Variants in STMN2 observed in about 807,000 individuals in gnomAD.
STMN2 encodes the protein stathmin 2.
A neutral mutation model predicts 24.1 loss-of-function variants in STMN2; 2 were observed. That is an observed-to-expected ratio of 0.08 (90% CI 0.03 to 0.26). STMN2 has a LOEUF of 0.26. Ranked by LOEUF, STMN2 falls within the 10% of genes least tolerant of loss-of-function variation. The pLI, the probability that STMN2 is intolerant of heterozygous loss-of-function variation, is 1.00. For synonymous variants in STMN2, 83 were observed against 77.5 expected (o/e 1.07, Z -0.37); for missense variants, 114 against 213.6 (o/e 0.53, Z 2.91).
intron 3 of STMN2, among the ~76,000 whole-genome samples, chr8:79,644,320 T>C (rs1810173451): frequency 6.6e-6 from 1 of 152,244 alleles, no homozygotes. Flanking sequence ...TCTTCCTGCA[T>C]TTAACTGGTT....
chr8:79,647,571 C>T (rs1810244735), intron 3 of STMN2, among the ~76,000 whole-genome samples: 1 of 152,218 alleles, frequency 6.6e-6, no homozygotes, highest in Non-Finnish European at 1.5e-5. Context: ...GCAATGTCCC[C>T]ACCTCCCCAT....
At chr8:79,624,790 C>T (rs1057155835) in intron 1 of STMN2, among the ~76,000 whole-genome samples, 33 of 152,316 alleles carry the variant, frequency 2.2e-4, no homozygotes, top group African/African-American at 7.9e-4. Flanking sequence ...AGCAGGCTTT[C>T]CAAGTCAACC....
chr8:79,630,166 T>C (rs1223151790), intron 1 of STMN2, among the ~76,000 whole-genome samples: 1 of 152,220 alleles, frequency 6.6e-6, no homozygotes, highest in Admixed American at 6.5e-5. Flanking sequence ...GCTCTAGGAC[T>C]CCCTTTGAGT....
intron 1 of STMN2, among the ~76,000 whole-genome samples, chr8:79,629,141 C>T (rs900070542): frequency 8.5e-5 from 13 of 152,212 alleles, no homozygotes; most frequent in Middle Eastern, 3.4e-3. Context: ...AACAATAGGA[C>T]GATGCTTCAC....
At chr8:79,653,791 G>C (rs997740042) in intron 3 of STMN2, among the ~76,000 whole-genome samples, 1 of 152,202 alleles carries the variant, frequency 6.6e-6, no homozygotes, top group Non-Finnish European at 1.5e-5. Flanking sequence ...CGGGGCATCA[G>C]CTGATCCTGA....
intron 1 of STMN2, among the ~76,000 whole-genome samples, chr8:79,627,192 A>G (rs2130322400): frequency 6.6e-6 from 1 of 152,328 alleles, no homozygotes; most frequent in East Asian, 1.9e-4. Flanking sequence ...TGAATAAACA[A>G]GAGAAAATAG....
Position 79,665,036 on chromosome 8 carries a change from G to A in STMN2, c.*162G>A, listed in dbSNP as rs188705664. Reference sequence around the variant, plus strand: ...ATCAAAAATTAAAAAAAATCAATGCGGTCTCTTTGCAGAATGTTTTGCTTG... The same window carrying A: ...ATCAAAAATTAAAAAAAATCAATGCAGTCTCTTTGCAGAATGTTTTGCTTG... On this transcript the variant is annotated 3_prime_UTR_variant, in exon 5 of 5. Coordinates refer to ENST00000220876, the MANE Select transcript of STMN2 (RefSeq NM_007029.4). 24 of 520,092 alleles carry A rather than the reference G, an allele frequency of 4.6e-5. No homozygotes were observed. The Admixed American group carries it at 5.5e-4, about 12-fold the overall frequency. The allele number at this position is 520,092 out of a possible 1,614,324, so 32.2% of individuals were successfully genotyped here. A position where few individuals can be genotyped will look rare whatever the true frequency, so the allele number is the denominator to read the frequency against.
At chr8:79,636,084 G>C in intron 1 of STMN2, among the ~76,000 whole-genome samples, 1 of 152,054 alleles carries the variant, frequency 6.6e-6, no homozygotes, top group Non-Finnish European at 1.5e-5. Flanking sequence ...AGGCATGGTG[G>C]AGCGCACCTG....
intron 1 of STMN2, among the ~76,000 whole-genome samples, chr8:79,622,936 T>TCAC (rs1374167007): frequency 2.0e-5 from 3 of 152,282 alleles, no homozygotes; most frequent in Non-Finnish European, 2.9e-5. Context: ...CCACTCCGTA[T>TCAC]CACCTGACTG....
At chr8:79,623,435 A>T (rs900764828) in intron 1 of STMN2, among the ~76,000 whole-genome samples, 1 of 152,210 alleles carries the variant, frequency 6.6e-6, no homozygotes, top group African/African-American at 2.4e-5. Context: ...CATTTTAAGC[A>T]TTTTGTTTTG....
At chr8:79,641,337 A>C in intron 2 of STMN2, 41 bp from the exon 3 acceptor site, 1 of 1,587,586 alleles carries the variant, frequency 6.3e-7, no homozygotes, top group Non-Finnish European at 8.6e-7. Flanking sequence ...CCCATGCTGC[A>C]AGCTTTGTAT....
chr8:79,620,509 A>G (rs1184614042), intron 1 of STMN2, among the ~76,000 whole-genome samples: 2 of 152,092 alleles, frequency 1.3e-5, no homozygotes, highest in East Asian at 3.8e-4. Context: ...AATGTTCCTC[A>G]CCCTTGGTGG....
chr8:79,632,180 G>GT (rs939987973), intron 1 of STMN2, among the ~76,000 whole-genome samples: 1 of 152,078 alleles, frequency 6.6e-6, no homozygotes, highest in Non-Finnish European at 1.5e-5. Context: ...AATGACAGGG[G>GT]TTTTTTTCTT....
chr8:79,630,843 C>T (rs77031607), intron 1 of STMN2, among the ~76,000 whole-genome samples: 3,045 of 152,266 alleles, frequency 0.02, 128 homozygotes, highest in African/African-American at 0.07. Context: ...TAAGTCCCAA[C>T]CAATCTAGCT....
rs548910150 is a variant in STMN2 at position 79,620,943 on chromosome 8, G to T, written c.19+9729G>T. 8.3e-5 allele frequency: 82 copies of T among 985,158 alleles called. No homozygotes were observed. The African/African-American group carries it at 1.4e-3, about 17-fold the overall frequency. The allele number at this position is 985,158 out of a possible 1,614,324, so 61.0% of individuals were successfully genotyped here. ...ATGAGGCTGATTCAGAACCACACTT[G>T]GAGTAGACCTAAAACAGCAGTGACC... On this transcript the variant is annotated intron_variant, in intron 1 of 4. Coordinates refer to ENST00000220876, the MANE Select transcript of STMN2 (RefSeq NM_007029.4).
At chr8:79,620,829 C>A in intron 1 of STMN2, 1 of 238,342 alleles carries the variant, frequency 4.2e-6, no homozygotes, top group Non-Finnish European at 6.8e-6. Context: ...GTTTGAGGAG[C>A]TAGCCTCCAC....
At chr8:79,621,098 T>TGGA in intron 1 of STMN2, 4 of 904,636 alleles carry the variant, frequency 4.4e-6, no homozygotes, top group Non-Finnish European at 5.3e-6. Context: ...GTGCTGCTGG[T>TGGA]GCTGCATGGA....
chr8:79,645,376 T>C (rs1479424427), intron 3 of STMN2, among the ~76,000 whole-genome samples: 1 of 152,214 alleles, frequency 6.6e-6, no homozygotes, highest in Non-Finnish European at 1.5e-5. Flanking sequence ...AAATCCAGTG[T>C]GTATTTTACG....
chr8:79,613,255 C>T (rs1809289575), intron 1 of STMN2, among the ~76,000 whole-genome samples: 1 of 152,090 alleles, frequency 6.6e-6, no homozygotes, highest in Non-Finnish European at 1.5e-5. Flanking sequence ...GGGCGCGGCT[C>T]GGCCCCACCC....
Sources: allele counts gnomAD v4.1 joint callset (sites outside exome capture counted in the v4.1 genomes callset), GRCh38; gene constraint gnomAD v4.1.1; transcripts MANE v1.5; gene names NCBI Gene and HGNC (gene_info 2026-07-23, HGNC 2026-07-21).